The following FILIP1 variants were observed in gnomAD, a reference collection of about 807,000 sequenced individuals.
The protein encoded by FILIP1 is filamin-A-interacting protein 1.
In FILIP1, 61 loss-of-function variants were observed where a neutral mutation model predicts 102.1. The observed-to-expected ratio is 0.60, with a 90% CI of 0.49 to 0.74. The LOEUF (loss-of-function observed/expected upper bound fraction) is 0.74. Ranked by LOEUF, FILIP1 falls within the 30% of genes least tolerant of loss-of-function variation. The pLI, the probability that FILIP1 is intolerant of heterozygous loss-of-function variation, is 0.00. For missense variants in FILIP1, 1,314 were observed against 1,441.2 expected, an observed-to-expected ratio of 0.91 and a Z score of 1.43; for synonymous variants, 491 against 526.9, an observed-to-expected ratio of 0.93 and a Z score of 0.93.
intron 1 of FILIP1, among the ~76,000 whole-genome samples, chr6:75,480,947 T>C (rs1053357777): frequency 6.6e-6 from 1 of 152,242 alleles, no homozygotes; most frequent in Admixed American, 6.5e-5. Flanking sequence ...TTCCCCACTA[T>C]TTGTACAGCT....
At chr6:75,306,628 G>A (rs535872739), downstream of FILIP1, among the ~76,000 whole-genome samples, 8 of 152,248 alleles carry the variant, frequency 5.3e-5, no homozygotes, top group South Asian at 1.7e-3. Flanking sequence ...ATTCCAAATG[G>A]CAATCTCTCT....
Position 75,478,935 on chromosome 6 carries a change from T to A in FILIP1, c.-7+14479A>T, listed in dbSNP as rs1370296508. Among the ~76,000 whole-genome samples, 3 of 152,174 alleles carry A rather than the reference T, an allele frequency of 2.0e-5. No homozygotes were observed. The South Asian group carries it at 6.2e-4, about 32-fold the overall frequency. Reference sequence around the variant, plus strand: ...TGGTGCAGTGCCCCATTTCTTCCACTTGCTCCTTGGTCCCTCACCCTCATG... The same window carrying A: ...TGGTGCAGTGCCCCATTTCTTCCACATGCTCCTTGGTCCCTCACCCTCATG... On this transcript the variant is annotated intron_variant, in intron 1 of 5. Transcript: ENST00000237172.
At chr6:75,386,521 T>C (rs1211333251) in intron 2 of FILIP1, 1 of 152,168 alleles carries the variant, frequency 6.6e-6, no homozygotes, top group Non-Finnish European at 1.5e-5. Flanking sequence ...TACGGCCACA[T>C]CAGTTCCAGC....
At chr6:75,358,494 G>A (rs577546420) in intron 3 of FILIP1, 2 of 152,244 alleles carry the variant, frequency 1.3e-5, no homozygotes, top group African/African-American at 4.8e-5. Flanking sequence ...AGGCATTGAG[G>A]AGGACACTGT....
intron 1 of FILIP1, among the ~76,000 whole-genome samples, chr6:75,466,685 T>C (rs964176687): frequency 2.6e-5 from 4 of 152,216 alleles, no homozygotes; most frequent in Non-Finnish European, 4.4e-5. Context: ...AGAGATCAAC[T>C]AGGTCGGTGC....
chr6:75,478,439 A>G (rs964821776), intron 1 of FILIP1, among the ~76,000 whole-genome samples: 6 of 152,170 alleles, frequency 3.9e-5, no homozygotes, highest in Admixed American at 3.9e-4. Context: ...CATTCACCCC[A>G]TACACCACTC....
At chr6:75,344,889 A>G (rs1011670224) in intron 4 of FILIP1, among the ~76,000 whole-genome samples, 1 of 152,244 alleles carries the variant, frequency 6.6e-6, no homozygotes, top group Non-Finnish European at 1.5e-5. Flanking sequence ...ACTGCACTGC[A>G]GCCTGAGCAA....
At chr6:75,478,660 C>T (rs890764197) in intron 1 of FILIP1, among the ~76,000 whole-genome samples, 21 of 152,116 alleles carry the variant, frequency 1.4e-4, no homozygotes, top group Non-Finnish European at 2.9e-4. Flanking sequence ...TGAGCCACAG[C>T]ACTGTGGCTT....
At chr6:75,475,864 T>A (rs550480510) in intron 1 of FILIP1, among the ~76,000 whole-genome samples, 1 of 152,340 alleles carries the variant, frequency 6.6e-6, no homozygotes, top group East Asian at 1.9e-4. Context: ...GTTCCTAATA[T>A]GGTAGGAAGC....
chr6:75,293,998 G>C (rs1285406814), exon 7 of FILIP1: 1 of 152,182 alleles, frequency 6.6e-6, no homozygotes, highest in African/African-American at 2.4e-5. Context: ...TTTATGTGAT[G>C]TTTTCACAAT....
At chr6:75,484,711 A>G (rs972530403) in intron 1 of FILIP1, among the ~76,000 whole-genome samples, 3 of 152,208 alleles carry the variant, frequency 2.0e-5, no homozygotes, top group African/African-American at 7.2e-5. Context: ...GTCAGAGTCT[A>G]GAGGTTTCCA....
rs1004083844 is a variant in FILIP1, at chr6:75,308,868, A to T, written c.3465T>A (p.Pro1155=). Residue 1155 remains proline (P), a synonymous_variant, in exon 6 of 6, where the codon CCT becomes CCA. Transcript: ENST00000237172. ...TTGACATAGGAATGCGGGTGGGTGTAGGCCGCTGGGATGACCCGTCTTGTC... is the reference window on the plus strand; with the variant it reads ...TTGACATAGGAATGCGGGTGGGTGTTGGCCGCTGGGATGACCCGTCTTGTC... ...VSGQDGSSQR[P]TPTRIPMSKG... is the part of the protein sequence containing the mutation. The T allele has an allele frequency of 2.5e-6, 4 of 1,614,122 alleles. No individual in the cohort carries two copies.
chr6:75,376,596 A>C (rs1388514855), intron 2 of FILIP1, among the ~76,000 whole-genome samples: 1 of 152,130 alleles, frequency 6.6e-6, no homozygotes, highest in Non-Finnish European at 1.5e-5. Flanking sequence ...AATGAAAGGC[A>C]ATTTCCTCCT....
At chr6:75,306,391 T>A (rs1772987251), downstream of FILIP1, among the ~76,000 whole-genome samples, 1 of 152,182 alleles carries the variant, frequency 6.6e-6, no homozygotes, top group South Asian at 2.1e-4. Flanking sequence ...GGCAATAAGA[T>A]TATGATAAAA....
intron 1 of FILIP1, among the ~76,000 whole-genome samples, chr6:75,451,975 A>G (rs1408909151): frequency 2.0e-5 from 3 of 152,222 alleles, no homozygotes; most frequent in Admixed American, 1.3e-4. Context: ...TTCCTGTTAA[A>G]TAATCCGACC....
At chr6:75,409,313 T>C (rs1313802368) in intron 2 of FILIP1, among the ~76,000 whole-genome samples, 8 of 151,972 alleles carry the variant, frequency 5.3e-5, no homozygotes, top group Non-Finnish European at 1.2e-4. Context: ...ATAAAGGAGG[T>C]GAGGTAGATA....
chr6:75,392,723 T>C (rs1776317493), intron 2 of FILIP1, among the ~76,000 whole-genome samples: 1 of 152,080 alleles, frequency 6.6e-6, no homozygotes, highest in African/African-American at 2.4e-5. Context: ...ATAATTCCCA[T>C]GTGTTGTGGG....
rs180905152 is a variant in FILIP1, at chr6:75,299,087, C to A, written c.3494-3137G>T. Among the ~76,000 whole-genome samples, 716 of 151,248 alleles carry A rather than the reference C, an allele frequency of 4.7e-3. 4 individuals are homozygous for A. Among genetic ancestry groups the A allele is most frequent in the African/African-American group, 0.016 (670 of 41,182 alleles). ...TTATTTGTGTAAAAAAAAAAACAGA[C>A]TTGAATTCCCAAGTCTGTTCCTGTC... is the stretch of plus-strand genomic sequence containing the variant. On this transcript the variant is annotated intron_variant, in intron 6 of 6. Coordinates refer to the FILIP1 transcript ENST00000393004.
rs146645646 is a variant in FILIP1 at position 75,429,747 on chromosome 6, T to C, written c.-6-14769A>G. Among the ~76,000 whole-genome samples, 576 of 152,276 alleles carry C rather than the reference T, an allele frequency of 3.8e-3. 4 individuals carry two copies. The highest frequency in any genetic ancestry group is 0.013 in the African/African-American group (561 of 41,560). On this transcript the variant is annotated intron_variant, in intron 1 of 5. Transcript: ENST00000237172. ...ACCTGGCAGAAAGTGAAGAGAAGGT[T>C]CTATAATAGTTCAGGTAGAAATGAA...
Sources: allele counts gnomAD v4.1 joint callset (sites outside exome capture counted in the v4.1 genomes callset), GRCh38; gene constraint gnomAD v4.1.1; transcripts MANE v1.5; gene names NCBI Gene and HGNC (gene_info 2026-07-23, HGNC 2026-07-21).